The following RASEF variants were observed in gnomAD, a reference collection of about 807,000 sequenced individuals.
RASEF encodes ras and EF-hand domain-containing protein.
In RASEF, 68 loss-of-function variants were observed where a neutral mutation model predicts 90.1. The ratio of observed to expected loss-of-function variants is 0.75; its 90% CI spans 0.62 to 0.92. RASEF has a LOEUF of 0.92. RASEF is among the 40% of genes least tolerant of loss of function. The pLI is 0.00. For missense variants in RASEF, 949 were observed against 937.2 expected (o/e 1.01, Z -0.16); for synonymous variants, 331 against 345.2 (o/e 0.96, Z 0.46).
At chr9:83,095,840 G>A in the RASEF span, among the ~76,000 whole-genome samples, 1 of 151,972 alleles carries the variant, frequency 6.6e-6, no homozygotes, top group Non-Finnish European at 1.5e-5. Context: ...ACTAATTCAT[G>A]ATCCCTTTTC....
the RASEF span, among the ~76,000 whole-genome samples, chr9:83,086,859 T>C: frequency 6.6e-6 from 1 of 152,138 alleles, no homozygotes; most frequent in Non-Finnish European, 1.5e-5. Flanking sequence ...AGGATGGAGC[T>C]ATCTATCACC....
chr9:83,036,475 G>A (rs1829743114), intron 1 of RASEF, among the ~76,000 whole-genome samples: 4 of 152,190 alleles, frequency 2.6e-5, no homozygotes, highest in Non-Finnish European at 4.4e-5. Context: ...AGAGTACCTC[G>A]GATGCTCTTG....
the RASEF span, among the ~76,000 whole-genome samples, chr9:83,089,949 T>G: frequency 1.3e-5 from 2 of 150,020 alleles, no homozygotes; most frequent in African/African-American, 4.9e-5. Context: ...TAGATAGATA[T>G]AGATATATAG....
the RASEF span, among the ~76,000 whole-genome samples, chr9:83,197,309 A>G: frequency 3.9e-5 from 6 of 152,332 alleles, no homozygotes; most frequent in East Asian, 1.2e-3. Context: ...GTCAGTAAGA[A>G]GAAGAGGAGT....
the RASEF span, among the ~76,000 whole-genome samples, chr9:83,161,999 A>G: frequency 6.6e-6 from 1 of 152,042 alleles, no homozygotes; most frequent in African/African-American, 2.4e-5. Context: ...TAAATTTCCC[A>G]GTCTCAGGTA....
At position 83,058,172 on chromosome 9, in the gene RASEF, C is replaced by CTTT. The variant is rs555842009; in HGVS notation, c.431+4262_431+4264dup. ...CGGCTCACTCCTGATGTATTTATGT[C>CTTT]TTTTTTTTTTTTTTTTTTTTTTTTT... is the stretch of plus-strand genomic sequence containing the variant. On this transcript the variant is annotated intron_variant, in intron 1 of 16. Coordinates refer to ENST00000376447, the MANE Select transcript of RASEF (RefSeq NM_152573.4). 3.3e-3 allele frequency among the ~76,000 whole-genome samples: 189 copies of CTTT among 57,898 alleles called. 35 individuals carry two copies. The highest frequency in any genetic ancestry group is 6.4e-3 in the African/African-American group (93 of 14,530). 38.0% of individuals were successfully genotyped at this position (57,898 alleles called of 152,430 possible).
rs772100396 is a variant in RASEF at position 82,982,809 on chromosome 9, G to GAGAGAGAGAGAC, written c.2118-28_2118-27insGTCTCTCTCTCT. 19 of 151,866 alleles carry GAGAGAGAGAGAC rather than the reference G, an allele frequency of 1.3e-4. 1 individual carries two copies. Among genetic ancestry groups the GAGAGAGAGAGAC allele is most frequent in the Non-Finnish European group, 1.9e-4 (18 of 94,122 alleles). The allele number at this position is 151,866 out of a possible 1,614,324, so 9.4% of individuals were successfully genotyped here. A position where few individuals can be genotyped will look rare whatever the true frequency, so the allele number is the denominator to read the frequency against. Reference sequence around the variant, plus strand: ...TGAGACAGAGATAGAGAGAGACAGAGAGAGAGAGAGAGAGAGAGAGAGAGG... The same window carrying GAGAGAGAGAGAC: ...TGAGACAGAGATAGAGAGAGACAGAGAGAGAGAGAGACAGAGAGAGAGAGAGAGAGAGAGAGG... On this transcript the variant is annotated intron_variant, in intron 16 of 16. Coordinates refer to ENST00000376447, the MANE Select transcript of RASEF (RefSeq NM_152573.4).
chr9:83,005,370 C>A (rs1488224148), intron 8 of RASEF, 46 bp downstream of exon 8: 1 of 1,350,892 alleles, frequency 7.4e-7, no homozygotes. Context: ...CCAAAATACT[C>A]CACCACTAGA....
chr9:83,061,026 A>G (rs111677159), intron 1 of RASEF, among the ~76,000 whole-genome samples: 2 of 152,240 alleles, frequency 1.3e-5, no homozygotes, highest in African/African-American at 2.4e-5. Context: ...GTATGCATAC[A>G]TCATATCCAA....
the RASEF span, among the ~76,000 whole-genome samples, chr9:83,175,247 C>T: frequency 1.3e-5 from 2 of 152,102 alleles, no homozygotes; most frequent in African/African-American, 2.4e-5. Context: ...ATGAACTTTT[C>T]ATAGACATCT....
chr9:83,067,077 T>G (rs1788499551), upstream of RASEF, among the ~76,000 whole-genome samples: 1 of 152,060 alleles, frequency 6.6e-6, no homozygotes, highest in African/African-American at 2.4e-5. Context: ...TAGGGAAAGC[T>G]TTTAGTGGAA....
chr9:83,186,054 A>G, the RASEF span, among the ~76,000 whole-genome samples: 2 of 152,278 alleles, frequency 1.3e-5, no homozygotes, highest in African/African-American at 4.8e-5. Context: ...AGCTACAGTG[A>G]TAAGTATAGG....
At chr9:83,120,142 AT>A in the RASEF span, among the ~76,000 whole-genome samples, 1 of 152,232 alleles carries the variant, frequency 6.6e-6, no homozygotes, top group South Asian at 2.1e-4. Context: ...ATTATCTGTC[AT>A]CAACTTCATC....
At chr9:83,151,317 A>C in the RASEF span, among the ~76,000 whole-genome samples, 2 of 152,166 alleles carry the variant, frequency 1.3e-5, no homozygotes, top group East Asian at 1.9e-4. Context: ...ATTGAAAGAG[A>C]GCAAGGAATT....
At chr9:83,191,223 C>A in the RASEF span, among the ~76,000 whole-genome samples, 11 of 152,186 alleles carry the variant, frequency 7.2e-5, no homozygotes, top group African/African-American at 2.7e-4. Flanking sequence ...TCCTGGGAAG[C>A]TGTGACAAGT....
intron 13 of RASEF, among the ~76,000 whole-genome samples, chr9:82,998,079 T>C (rs1051392136): frequency 6.6e-6 from 1 of 152,118 alleles, no homozygotes; most frequent in Non-Finnish European, 1.5e-5. Context: ...CACTCAAAAA[T>C]GCTGCCTCTC....
chr9:83,159,101 G>T, the RASEF span, among the ~76,000 whole-genome samples: 1 of 151,726 alleles, frequency 6.6e-6, no homozygotes, highest in African/African-American at 2.4e-5. Context: ...CAGGAGAATG[G>T]TGTAAACCCA....
chr9:83,080,690 T>C, the RASEF span, among the ~76,000 whole-genome samples: 229 of 152,278 alleles, frequency 1.5e-3, no homozygotes, highest in Non-Finnish European at 1.1e-3. Flanking sequence ...AAAATGGACA[T>C]TAACTTCTGT....
At chr9:83,089,947 T>G in the RASEF span, among the ~76,000 whole-genome samples, 586 of 142,996 alleles carry the variant, frequency 4.1e-3, no homozygotes, top group African/African-American at 0.015. Flanking sequence ...GATAGATAGA[T>G]ATAGATATAT....
Sources: gnomAD v4.1 joint callset for allele counts (sites outside exome capture counted in the v4.1 genomes callset) on GRCh38, gnomAD v4.1.1 for gene constraint, MANE v1.5 for transcripts, NCBI Gene and HGNC (gene_info 2026-07-23, HGNC 2026-07-21) for gene names.